CIMIP6: variants seen among roughly 807,000 people sequenced by gnomAD.
CIMIP6 encodes the protein ciliary microtubule inner protein 6, also known as uncharacterized protein C2orf73.
At chr2:54,382,467 A>G in the CIMIP6 span, among the ~76,000 whole-genome samples, 1 of 152,116 alleles carries the variant, frequency 6.6e-6, no homozygotes, top group South Asian at 2.1e-4. Flanking sequence ...TTCCAACCTG[A>G]TCTTTAGCTA....
At chr2:54,336,876 C>T in the CIMIP6 span, among the ~76,000 whole-genome samples, 11 of 152,188 alleles carry the variant, frequency 7.2e-5, no homozygotes, top group Admixed American at 3.9e-4. Flanking sequence ...ACTCACTAAA[C>T]ATTAGCTCTT....
At chr2:54,357,396 T>C in the CIMIP6 span, among the ~76,000 whole-genome samples, 1 of 152,172 alleles carries the variant, frequency 6.6e-6, no homozygotes, top group Non-Finnish European at 1.5e-5. Context: ...TTTTTAACAG[T>C]TGATATAAGC....
At chr2:54,352,438 GACAA>G in the CIMIP6 span, among the ~76,000 whole-genome samples, 12 of 152,102 alleles carry the variant, frequency 7.9e-5, no homozygotes, top group African/African-American at 2.2e-4. Flanking sequence ...AGTGTTAACT[GACAA>G]ACAAAAATTG....
chr2:54,378,207 G>A, the CIMIP6 span, among the ~76,000 whole-genome samples: 2 of 152,198 alleles, frequency 1.3e-5, no homozygotes, highest in East Asian at 3.8e-4. Context: ...CTTAATTAGA[G>A]TTGCCATTGT....
chr2:54,380,046 G>A, the CIMIP6 span, among the ~76,000 whole-genome samples: 1 of 152,022 alleles, frequency 6.6e-6, no homozygotes, highest in Admixed American at 6.6e-5. Flanking sequence ...AGGAGGCTGA[G>A]GTGGGAGGAT....
chr2:54,360,466 CAGAGA>C, the CIMIP6 span: 3 of 1,581,430 alleles, frequency 1.9e-6, no homozygotes, highest in Non-Finnish European at 2.6e-6. Flanking sequence ...CTCCTGAGAG[CAGAGA>C]AAAGACCTCA....
chr2:54,378,220 G>A, the CIMIP6 span, among the ~76,000 whole-genome samples: 1 of 152,192 alleles, frequency 6.6e-6, no homozygotes, highest in African/African-American at 2.4e-5. Flanking sequence ...GCCATTGTGG[G>A]GCAGAAGGTG....
chr2:54,333,067 T>G, the CIMIP6 span, among the ~76,000 whole-genome samples: 1 of 152,304 alleles, frequency 6.6e-6, no homozygotes, highest in East Asian at 1.9e-4. Flanking sequence ...ACCAGAAATA[T>G]GTAAATGTTA....
At chr2:54,342,564 T>G in the CIMIP6 span, among the ~76,000 whole-genome samples, 1 of 152,050 alleles carries the variant, frequency 6.6e-6, no homozygotes, top group Non-Finnish European at 1.5e-5. Context: ...GCCTGTCTTT[T>G]TAGAAACTAA....
the CIMIP6 span, among the ~76,000 whole-genome samples, chr2:54,352,810 AGTT>A: frequency 1.3e-5 from 2 of 152,228 alleles, no homozygotes; most frequent in African/African-American, 2.4e-5. Flanking sequence ...CCATGCAAAT[AGTT>A]GTTATCGTGT....
the CIMIP6 span, chr2:54,360,347 A>T: frequency 1.9e-6 from 3 of 1,610,762 alleles, no homozygotes; most frequent in East Asian, 6.7e-5. Flanking sequence ...AGCGGAAAGC[A>T]GAATGATCTC....
At chr2:54,374,212 A>G in the CIMIP6 span, among the ~76,000 whole-genome samples, 1 of 152,216 alleles carries the variant, frequency 6.6e-6, no homozygotes, top group African/African-American at 2.4e-5. Flanking sequence ...TTATCTGAGC[A>G]TGTCTTGCCC....
At chr2:54,346,188 C>G in the CIMIP6 span, among the ~76,000 whole-genome samples, 1 of 151,996 alleles carries the variant, frequency 6.6e-6, no homozygotes, top group Non-Finnish European at 1.5e-5. Flanking sequence ...TCTATAGACA[C>G]GAGTTTAAAT....
the CIMIP6 span, among the ~76,000 whole-genome samples, chr2:54,367,820 T>C: frequency 1.3e-5 from 2 of 152,164 alleles, no homozygotes; most frequent in African/African-American, 2.4e-5. Context: ...TTTCAAGAGA[T>C]AGAGAAAATA....
chr2:54,353,556 C>T, the CIMIP6 span, among the ~76,000 whole-genome samples: 1 of 152,026 alleles, frequency 6.6e-6, no homozygotes, highest in African/African-American at 2.4e-5. Flanking sequence ...GAGGGGGAAA[C>T]TGCATGAGTT....
chr2:54,355,258 T>G, the CIMIP6 span, among the ~76,000 whole-genome samples: 1 of 152,248 alleles, frequency 6.6e-6, no homozygotes, highest in Non-Finnish European at 1.5e-5. Flanking sequence ...TTATAATTTT[T>G]CTTTGTCCCA....
chr2:54,342,697 C>CA, the CIMIP6 span, among the ~76,000 whole-genome samples: 1 of 151,612 alleles, frequency 6.6e-6, no homozygotes, highest in Admixed American at 6.6e-5. Flanking sequence ...ATTAGAATTG[C>CA]ATATTTATCC....
the CIMIP6 span, chr2:54,343,611 A>C: frequency 2.9e-6 from 2 of 687,234 alleles, no homozygotes; most frequent in Non-Finnish European, 4.4e-6. Context: ...TAGTACTGGG[A>C]TATCCACTAA....
At chr2:54,370,542 G>T in the CIMIP6 span, among the ~76,000 whole-genome samples, 1 of 152,130 alleles carries the variant, frequency 6.6e-6, no homozygotes, top group Non-Finnish European at 1.5e-5. Flanking sequence ...GTTCTCTCAA[G>T]AGTCTGAATT....
Sources: allele counts gnomAD v4.1 joint callset (sites outside exome capture counted in the v4.1 genomes callset), GRCh38; gene constraint gnomAD v4.1.1; transcripts MANE v1.5; gene names NCBI Gene and HGNC (gene_info 2026-07-23, HGNC 2026-07-21).